Variants in RIT2 observed in about 807,000 individuals in gnomAD.
RIT2 encodes Ras like without CAAX 2, also known as GTP-binding protein Rit2.
Under a neutral mutation model 23.7 loss-of-function variants are expected in RIT2, and 24 were observed. The ratio of observed to expected loss-of-function variants is 1.01; its 90% CI spans 0.73 to 1.43. RIT2 has a LOEUF of 1.43. Ranked by LOEUF, RIT2 falls within the 40% of genes most tolerant of loss-of-function variation. RIT2 has a pLI of 0.00. For synonymous variants in RIT2, 107 were observed against 91.1 expected (o/e 1.17, Z -0.99); for missense variants, 236 against 266.9 (o/e 0.88, Z 0.81).
intron 4 of RIT2, among the ~76,000 whole-genome samples, chr18:42,881,188 C>T (rs116009699): frequency 0.016 from 2,392 of 152,224 alleles, 79 homozygotes; most frequent in African/African-American, 0.055. Context: ...ACACAACCTA[C>T]CCACTAATTT....
intron 2 of RIT2, among the ~76,000 whole-genome samples, chr18:42,992,880 G>A (rs187057871): frequency 1.1e-4 from 17 of 152,188 alleles, no homozygotes; most frequent in Admixed American, 3.9e-4. Context: ...TCAGAAGGCC[G>A]TTTTATTATC....
intron 3 of RIT2, among the ~76,000 whole-genome samples, chr18:42,972,407 C>G (rs1044381250): frequency 6.6e-6 from 1 of 151,744 alleles, no homozygotes; most frequent in Admixed American, 6.6e-5. Flanking sequence ...TGCTTGTACA[C>G]TATCAATATT....
intron 4 of RIT2, among the ~76,000 whole-genome samples, chr18:42,855,519 G>T (rs754264977): frequency 6.6e-6 from 1 of 152,084 alleles, no homozygotes; most frequent in Non-Finnish European, 1.5e-5. Flanking sequence ...AACAGAAAAT[G>T]GAATAAATTC....
intron 4 of RIT2, among the ~76,000 whole-genome samples, chr18:42,772,275 C>T (rs1913569223): frequency 6.6e-6 from 1 of 152,152 alleles, no homozygotes; most frequent in Admixed American, 6.6e-5. Flanking sequence ...CATACAATAT[C>T]TGACACTGGC....
intron 2 of RIT2, among the ~76,000 whole-genome samples, chr18:42,991,481 T>C (rs1279337933): frequency 2.0e-5 from 3 of 152,208 alleles, no homozygotes. Flanking sequence ...CTTTCCAATT[T>C]TGGGCACCTT....
intron 3 of RIT2, among the ~76,000 whole-genome samples, chr18:42,932,450 T>C (rs1181923400): frequency 1.3e-5 from 2 of 152,132 alleles, no homozygotes; most frequent in African/African-American, 4.8e-5. Flanking sequence ...AAATCTATAC[T>C]CATCAGCCTG....
intron 3 of RIT2, among the ~76,000 whole-genome samples, chr18:42,934,900 G>T (rs1909414015): frequency 6.6e-6 from 1 of 152,028 alleles, no homozygotes; most frequent in Non-Finnish European, 1.5e-5. Flanking sequence ...GTTATTATTT[G>T]ATATCTATAC....
intron 2 of RIT2, among the ~76,000 whole-genome samples, chr18:43,004,835 C>T (rs1911191259): frequency 6.6e-6 from 1 of 151,740 alleles, no homozygotes; most frequent in South Asian, 2.1e-4. Context: ...TATTATATTC[C>T]TATTAGATTG....
At chr18:43,075,505 C>A (rs62092708) in intron 1 of RIT2, among the ~76,000 whole-genome samples, 4,515 of 152,222 alleles carry the variant, frequency 0.03, 95 homozygotes, top group Non-Finnish European at 0.048. Flanking sequence ...CAGTACTAAG[C>A]ATACTCAATG....
intron 4 of RIT2, among the ~76,000 whole-genome samples, chr18:42,835,700 T>C (rs16977043): frequency 0.016 from 2,456 of 152,192 alleles, 77 homozygotes; most frequent in African/African-American, 0.056. Flanking sequence ...TTAGATACCA[T>C]GGGCACCAGA....
chr18:42,823,404 G>A (rs1274490530), intron 4 of RIT2, among the ~76,000 whole-genome samples: 1 of 152,140 alleles, frequency 6.6e-6, no homozygotes, highest in Non-Finnish European at 1.5e-5. Context: ...TTATTTCCAT[G>A]CATCTGCATT....
At chr18:42,899,242 T>G (rs1396681667) in intron 4 of RIT2, among the ~76,000 whole-genome samples, 1 of 151,102 alleles carries the variant, frequency 6.6e-6, no homozygotes, top group African/African-American at 2.4e-5. Flanking sequence ...GCATAAGAAT[T>G]AACCAAGGAA....
At chr18:42,943,776 A>G (rs1051203388) in intron 3 of RIT2, among the ~76,000 whole-genome samples, 4 of 152,148 alleles carry the variant, frequency 2.6e-5, no homozygotes, top group African/African-American at 9.7e-5. Context: ...GAACCTGTCA[A>G]TGACACTAGG....
intron 4 of RIT2, among the ~76,000 whole-genome samples, chr18:42,819,039 A>G (rs570739870): frequency 6.6e-6 from 1 of 152,168 alleles, no homozygotes; most frequent in South Asian, 2.1e-4. Flanking sequence ...CAAAGTTTAG[A>G]TCAGAAAAGT....
At chr18:42,927,343 ACG>A (rs1324032475) in intron 3 of RIT2, among the ~76,000 whole-genome samples, 2 of 131,650 alleles carry the variant, frequency 1.5e-5, no homozygotes, top group South Asian at 2.5e-4. Flanking sequence ...TTTACACAAC[ACG>A]TATATATGTT....
chr18:42,853,185 T>C (rs1907101565), intron 4 of RIT2, among the ~76,000 whole-genome samples: 1 of 152,198 alleles, frequency 6.6e-6, no homozygotes, highest in African/African-American at 2.4e-5. Context: ...ACCTGTCGTG[T>C]ATGCATATTT....
At chr18:42,803,266 A>G in intron 4 of RIT2, among the ~76,000 whole-genome samples, 1 of 152,180 alleles carries the variant, frequency 6.6e-6, no homozygotes, top group East Asian at 1.9e-4. Flanking sequence ...AAATTTTCTC[A>G]GTCTCATATT....
intron 4 of RIT2, among the ~76,000 whole-genome samples, chr18:42,798,622 T>C (rs1365040934): frequency 6.6e-6 from 1 of 152,252 alleles, no homozygotes; most frequent in Admixed American, 6.5e-5. Context: ...GATGGGACTA[T>C]AGGGAAGCAA....
At chr18:43,058,723 C>CA (rs887283202) in intron 1 of RIT2, among the ~76,000 whole-genome samples, 32 of 151,700 alleles carry the variant, frequency 2.1e-4, no homozygotes, top group African/African-American at 5.3e-4. Flanking sequence ...CCTGTCTCTA[C>CA]AAAAAAAATG....
Sources: gnomAD v4.1 joint callset for allele counts (sites outside exome capture counted in the v4.1 genomes callset) on GRCh38, gnomAD v4.1.1 for gene constraint, MANE v1.5 for transcripts, NCBI Gene and HGNC (gene_info 2026-07-23, HGNC 2026-07-21) for gene names.